SUGCT: variants seen among roughly 807,000 people sequenced by gnomAD.
SUGCT encodes succinyl-CoA:glutarate-CoA transferase, also known as succinyl-CoA:glutarate CoA-transferase.
In SUGCT, 41 loss-of-function variants were observed where a neutral mutation model predicts 55.0. That is an observed-to-expected ratio of 0.74 (90% CI 0.58 to 0.97). SUGCT has a LOEUF of 0.97. Among genes scored for constraint, SUGCT ranks in the 50% least tolerant of loss-of-function variants. SUGCT has a pLI of 0.00. For missense variants in SUGCT, 568 were observed against 547.8 expected, an observed-to-expected ratio of 1.04 and a Z score of -0.37; for synonymous variants, 187 against 200.4, an observed-to-expected ratio of 0.93 and a Z score of 0.56.
intron 13 of SUGCT, among the ~76,000 whole-genome samples, chr7:40,847,411 C>CTTTTTTTTTTTTTTTTTTTTTTTTTTT (rs981613426): frequency 1.3e-5 from 1 of 75,398 alleles, no homozygotes; most frequent in African/African-American, 4.7e-5. Context: ...TTCTTTCTTT[C>CTTTTTTTTTTTTTTTTTTTTTTTTTTT]TTTTTTTTTT....
intron 13 of SUGCT, among the ~76,000 whole-genome samples, chr7:40,801,089 A>G (rs188439597): frequency 1.1e-4 from 16 of 152,316 alleles, no homozygotes; most frequent in East Asian, 5.8e-4. Context: ...TCACACAGCA[A>G]TAGTTCCATT....
At chr7:40,605,673 G>A (rs1183483677) in intron 12 of SUGCT, among the ~76,000 whole-genome samples, 1 of 152,138 alleles carries the variant, frequency 6.6e-6, no homozygotes, top group Non-Finnish European at 1.5e-5. Context: ...CACTAATAAA[G>A]GAAGATATTA....
Position 40,607,205 on chromosome 7 carries a change from G to A in SUGCT, c.1089+110819G>A, listed in dbSNP as rs751932534. 4.6e-5 allele frequency among the ~76,000 whole-genome samples: 7 copies of A among 151,700 alleles called. No individual in the cohort carries two copies. In the South Asian group the frequency reaches 6.3e-4, roughly 14 times the overall value. The stretch of plus-strand genomic sequence containing the variant: ...CTACAGCCTCAACCTCTGGGCTCAA[G>A]TTATCCTCCCACCTCAGCCCCCCAA... On this transcript the variant is annotated intron_variant, in intron 12 of 13. Transcript: ENST00000335693.
At chr7:40,394,849 A>G (rs1221617222) in intron 9 of SUGCT, among the ~76,000 whole-genome samples, 1 of 152,188 alleles carries the variant, frequency 6.6e-6, no homozygotes, top group East Asian at 1.9e-4. Context: ...CATCCTTGCT[A>G]TTGCACATAA....
chr7:40,952,418 CTG>C, the SUGCT span, among the ~76,000 whole-genome samples: 1 of 152,166 alleles, frequency 6.6e-6, no homozygotes, highest in East Asian at 1.9e-4. Flanking sequence ...ATTTGCCAGT[CTG>C]TGTCTTTTAA....
intron 12 of SUGCT, among the ~76,000 whole-genome samples, chr7:40,667,106 C>CAAA (rs58790754): frequency 2.6e-4 from 26 of 98,404 alleles, no homozygotes; most frequent in African/African-American, 6.7e-4. Context: ...GATCCTATCT[C>CAAA]AAAAAAAAAA....
intron 6 of SUGCT, among the ~76,000 whole-genome samples, chr7:40,206,952 A>G (rs1370698358): frequency 6.6e-6 from 1 of 152,124 alleles, no homozygotes; most frequent in African/African-American, 2.4e-5. Context: ...TAATCCCAGC[A>G]CTTTTGGAGG....
intron 11 of SUGCT, among the ~76,000 whole-genome samples, chr7:40,485,010 A>G (rs182911993): frequency 2.0e-4 from 30 of 152,196 alleles, no homozygotes; most frequent in Non-Finnish European, 4.1e-4. Context: ...GAACATAATG[A>G]TGGTATTAAT....
At chr7:40,898,386 A>C in the SUGCT span, among the ~76,000 whole-genome samples, 1 of 150,716 alleles carries the variant, frequency 6.6e-6, no homozygotes, top group African/African-American at 2.4e-5. Context: ...CGAACCCACC[A>C]GAAGGAAGAA....
intron 1 of SUGCT, among the ~76,000 whole-genome samples, chr7:40,159,736 A>G (rs906643576): frequency 6.6e-6 from 1 of 152,138 alleles, no homozygotes; most frequent in African/African-American, 2.4e-5. Flanking sequence ...AGGAGGTCAG[A>G]GAAAAACTTT....
chr7:40,934,860 G>GA, the SUGCT span, among the ~76,000 whole-genome samples: 2,373 of 152,258 alleles, frequency 0.016, 61 homozygotes, highest in African/African-American at 0.052. Flanking sequence ...GCATCTCTTG[G>GA]AAAGGGAAAT....
rs558915993 is a variant in SUGCT, at chr7:40,188,399, A to G, written c.227-96A>G. 9 of 833,188 alleles carry G rather than the reference A, an allele frequency of 1.1e-5. No homozygotes were observed. In the African/African-American group the frequency reaches 1.6e-4, roughly 14 times the overall value. The allele number at this position is 833,188 out of a possible 1,614,324, so 51.6% of individuals were successfully genotyped here. A position where few individuals can be genotyped will look rare whatever the true frequency, so the allele number is the denominator to read the frequency against. On this transcript the variant is annotated intron_variant, in intron 3 of 13. Coordinates refer to ENST00000335693, the MANE Select transcript of SUGCT (RefSeq NM_001193313.2). ...CAGTGAGCAGAGATCGTTCCTCTGC[A>G]CTCCAGCCTGGGCAACAGAGCAAGA...
At chr7:40,443,057 C>CT (rs1436428095) in intron 9 of SUGCT, among the ~76,000 whole-genome samples, 1 of 152,026 alleles carries the variant, frequency 6.6e-6, no homozygotes, top group Non-Finnish European at 1.5e-5. Context: ...TGAACTCATC[C>CT]TTTTTTATGG....
At chr7:40,810,140 CTTTGAGACAGGGTCTGG>C (rs1270546924) in intron 13 of SUGCT, among the ~76,000 whole-genome samples, 23 of 143,694 alleles carry the variant, frequency 1.6e-4, no homozygotes, top group Admixed American at 1.4e-3. Context: ...TTTTTTTTTT[CTTTGAGACAGGGTCTGG>C]TTTGGTCACC....
chr7:40,816,467 G>A (rs1432773144), intron 13 of SUGCT, among the ~76,000 whole-genome samples: 1 of 152,164 alleles, frequency 6.6e-6, no homozygotes, highest in Non-Finnish European at 1.5e-5. Context: ...CTGGAAAGGT[G>A]AGCTTCAGAG....
intron 12 of SUGCT, among the ~76,000 whole-genome samples, chr7:40,622,703 GTGTGTT>G (rs1332102909): frequency 6.8e-6 from 1 of 147,130 alleles, no homozygotes; most frequent in Non-Finnish European, 1.5e-5. Context: ...GGATGTGTGT[GTGTGTT>G]TGTGTGTGTG....
chr7:40,850,816 T>TA (rs1351908222), intron 13 of SUGCT, among the ~76,000 whole-genome samples: 1 of 152,218 alleles, frequency 6.6e-6, no homozygotes, highest in African/African-American at 2.4e-5. Context: ...CTCACAAATC[T>TA]AAAATGCAGC....
the SUGCT span, among the ~76,000 whole-genome samples, chr7:40,988,717 C>T: frequency 6.6e-6 from 1 of 152,044 alleles, no homozygotes; most frequent in Admixed American, 6.6e-5. Flanking sequence ...CTAAAGAACT[C>T]CCATAAACTT....
the SUGCT span, among the ~76,000 whole-genome samples, chr7:40,896,865 A>C: frequency 0.023 from 3,558 of 152,292 alleles, 57 homozygotes; most frequent in Non-Finnish European, 0.034. Flanking sequence ...CAATCCTAAA[A>C]TCTATATGAA....
Sources: gnomAD v4.1 joint callset for allele counts (sites outside exome capture counted in the v4.1 genomes callset) on GRCh38, gnomAD v4.1.1 for gene constraint, MANE v1.5 for transcripts, NCBI Gene and HGNC (gene_info 2026-07-23, HGNC 2026-07-21) for gene names.